CAMTA1: variants seen among roughly 807,000 people sequenced by gnomAD.
The protein encoded by CAMTA1 is calmodulin-binding transcription activator 1.
CAMTA1 carries 27 observed loss-of-function variants against 170.9 expected under a neutral mutation model. The ratio of observed to expected loss-of-function variants is 0.16; its 90% CI spans 0.12 to 0.22. CAMTA1 has a LOEUF of 0.22. CAMTA1 is among the 10% of genes least tolerant of loss of function. The probability of loss-of-function intolerance (pLI) is 1.00; values close to 1 mark genes in which losing one functional copy is unlikely to be tolerated. For missense variants in CAMTA1, 1,619 were observed against 2,217.2 expected (o/e 0.73, Z 5.42); for synonymous variants, 833 against 891.5 (o/e 0.93, Z 1.17).
intron 6 of CAMTA1, among the ~76,000 whole-genome samples, chr1:7,631,750 CT>C (rs1355374738): frequency 1.3e-5 from 2 of 152,172 alleles, no homozygotes; most frequent in Non-Finnish European, 2.9e-5. Context: ...CCTTCTTGTG[CT>C]TCCGTCCATC....
Position 7,493,292 on chromosome 1 carries a change from CACAA to C in CAMTA1, c.510+25395_510+25398del, listed in dbSNP as rs1289272814. Among the ~76,000 whole-genome samples, 9 of 141,816 alleles carry C rather than the reference CACAA, an allele frequency of 6.3e-5. No homozygotes were observed. The East Asian group carries it at 1.1e-3, about 17-fold the overall frequency. The allele number at this position is 141,816 out of a possible 152,430, so 93.0% of individuals were successfully genotyped here. A position where few individuals can be genotyped will look rare whatever the true frequency, so the allele number is the denominator to read the frequency against. On this transcript the variant is annotated intron_variant, in intron 6 of 22. Transcript: ENST00000303635. ...GCACACAAACATACACGCGCACAAACACAAACATACAAATGCGCACACAAACAAA... is the reference window on the plus strand; with the variant it reads ...GCACACAAACATACACGCGCACAAACACATACAAATGCGCACACAAACAAA...
intron 11 of CAMTA1, among the ~76,000 whole-genome samples, chr1:7,706,063 A>C (rs2096521781): frequency 6.6e-6 from 1 of 152,194 alleles, no homozygotes; most frequent in African/African-American, 2.4e-5. Flanking sequence ...TTTCTCTACA[A>C]ATCAGGTATC....
At chr1:7,030,233 G>A (rs1702599798) in intron 3 of CAMTA1, among the ~76,000 whole-genome samples, 1 of 152,142 alleles carries the variant, frequency 6.6e-6, no homozygotes, top group African/African-American at 2.4e-5. Flanking sequence ...TTTGTATACA[G>A]TTACATTAAA....
chr1:7,589,069 A>G (rs2150463712), intron 6 of CAMTA1, among the ~76,000 whole-genome samples: 1 of 152,324 alleles, frequency 6.6e-6, no homozygotes, highest in East Asian at 1.9e-4. Flanking sequence ...CCTCCGTGAG[A>G]AGAGGGCTTA....
intron 3 of CAMTA1, among the ~76,000 whole-genome samples, chr1:6,991,075 T>G (rs1275221857): frequency 6.6e-6 from 1 of 152,144 alleles, no homozygotes; most frequent in East Asian, 1.9e-4. Flanking sequence ...TCAGTAGTTT[T>G]TTTTTCCTTT....
At chr1:7,551,705 T>C (rs2094805313) in intron 6 of CAMTA1, among the ~76,000 whole-genome samples, 2 of 152,184 alleles carry the variant, frequency 1.3e-5, no homozygotes, top group Admixed American at 6.5e-5. Context: ...CCTCAGAGCC[T>C]GTCCCTGGTG....
rs145964068 is a variant in CAMTA1 at position 7,738,192 on chromosome 1, C to T, written c.3892C>T (p.Arg1298Trp). 75 of 1,613,872 alleles carry T rather than the reference C, an allele frequency of 4.6e-5. No homozygotes were observed. The highest frequency in any genetic ancestry group is 1.6e-4 in the Middle Eastern group (1 of 6,084). The change falls in exon 16 of 23, where the codon CGG (arginine) becomes TGG (tryptophan). Residue 1298 changes from arginine (R) to tryptophan (W), a missense_variant. By Grantham distance (101) the Arg-to-Trp change is moderately radical (BLOSUM62 -3). This residue lies in a region of CAMTA1 where 370 missense variants were observed against 429.4 expected (regional missense o/e 0.86). Coordinates refer to ENST00000303635, the MANE Select transcript of CAMTA1 (RefSeq NM_015215.4). The surrounding 1 kb of genome is among the most constrained non-coding windows in gnomAD (Gnocchi z 4.9). Reference sequence around the variant, plus strand: ...CAGTGAAGGAGTGAGGGACTTCAGCCGGGAACTCTCCCCTCCCACTCCAGA... The same window carrying T: ...CAGTGAAGGAGTGAGGGACTTCAGCTGGGAACTCTCCCCTCCCACTCCAGA... ...SPSEGVRDFS[R>W]ELSPPTPETA... is the part of the protein sequence containing the mutation.
intron 3 of CAMTA1, among the ~76,000 whole-genome samples, chr1:6,968,932 G>C (rs1224778935): frequency 6.6e-6 from 1 of 152,140 alleles, no homozygotes; most frequent in Admixed American, 6.5e-5. Context: ...TGCTGAGGTG[G>C]GCTGCAGAGG....
At chr1:7,353,520 G>A (rs1469813172) in intron 5 of CAMTA1, among the ~76,000 whole-genome samples, 9 of 149,434 alleles carry the variant, frequency 6.0e-5, no homozygotes, top group Non-Finnish European at 8.9e-5. Context: ...CCGCCTCCCA[G>A]GATCAAGCAA....
intron 3 of CAMTA1, among the ~76,000 whole-genome samples, chr1:7,040,741 A>T (rs368710036): frequency 5.0e-5 from 7 of 140,234 alleles, no homozygotes; most frequent in Admixed American, 7.0e-5. Context: ...TTTTTTTTTT[A>T]AAGACAGAGT....
chr1:7,201,658 T>A lies in CAMTA1; in HGVS notation c.303-47833T>A, dbSNP rs550832938. Among the ~76,000 whole-genome samples, 16 of 152,310 alleles carry A rather than the reference T, an allele frequency of 1.1e-4. No homozygotes were observed. In the East Asian group the frequency reaches 2.9e-3, roughly 28 times the overall value. On this transcript the variant is annotated intron_variant, in intron 4 of 22. Transcript: ENST00000303635. The stretch of plus-strand genomic sequence containing the variant: ...ATAATATCAAGTGTCTTTGTGTGTA[T>A]ATTTGTATATTTTCCATTTGTATTT...
chr1:6,890,560 A>G (rs1243040992), intron 3 of CAMTA1, among the ~76,000 whole-genome samples: 2 of 147,566 alleles, frequency 1.4e-5, no homozygotes, highest in Non-Finnish European at 3.0e-5. Flanking sequence ...AGGCTCTTGG[A>G]CAGTTTTCTT....
rs1661365405 is a variant in CAMTA1 at position 7,224,581 on chromosome 1, T to C, written c.303-24910T>C. 6.6e-6 allele frequency among the ~76,000 whole-genome samples: 1 copy of C among 152,162 alleles called. No individual in the cohort carries two copies. Among genetic ancestry groups the C allele is most frequent in the South Asian group, 2.1e-4 (1 of 4,818 alleles). The stretch of plus-strand genomic sequence containing the variant: ...TTTTATTTTTAAATGTCATCATCGT[T>C]TTGTACAGGAGCACAAAACTCATGA... On this transcript the variant is annotated intron_variant, in intron 4 of 22. Transcript: ENST00000303635. This position sits in a 1 kb window ranked among gnomAD's most constrained non-coding sequence, Gnocchi z 5.2.
At chr1:7,223,484 G>A (rs1266890785) in intron 4 of CAMTA1, among the ~76,000 whole-genome samples, 1 of 152,048 alleles carries the variant, frequency 6.6e-6, no homozygotes, top group African/African-American at 2.4e-5. Flanking sequence ...TGAGGGGTCA[G>A]GAAAGCTTCA....
Position 7,249,669 on chromosome 1 carries a change from G to T in CAMTA1, c.438+43G>T, listed in dbSNP as rs1022319411. ...TTCCCTTGGTGCACAAATGTCATTT[G>T]CAGGCTGCAGTGGAGAATGGAATTG... On this transcript the variant is annotated intron_variant, in intron 5 of 22. Transcript: ENST00000303635. This position sits in a 1 kb window ranked among gnomAD's most constrained non-coding sequence, Gnocchi z 4.4. 6.2e-7 allele frequency: 1 copy of T among 1,606,068 alleles called. No homozygotes were observed. The highest frequency in any genetic ancestry group is 1.7e-5 in the Admixed American group (1 of 59,296).
At chr1:7,155,747 G>A (rs752204657) in intron 4 of CAMTA1, among the ~76,000 whole-genome samples, 1 of 152,128 alleles carries the variant, frequency 6.6e-6, no homozygotes, top group Non-Finnish European at 1.5e-5. Context: ...GAGGTCTTGA[G>A]CAAGGCCGCC....
At position 7,767,174 on chromosome 1, in the gene CAMTA1, G is replaced by A. The variant is rs540465373; in HGVS notation, c.*683G>A. 6.5e-6 allele frequency: 1 copy of A among 152,894 alleles called. No homozygotes were observed. The highest frequency in any genetic ancestry group is 2.1e-4 in the South Asian group (1 of 4,828). 9.5% of individuals were successfully genotyped at this position (152,894 alleles called of 1,614,324 possible). A position where few individuals can be genotyped will look rare whatever the true frequency, so the allele number is the denominator to read the frequency against. ...GGCAGGTGTGTGGTAAACGGGTAAT[G>A]CATGGGAAATAATGAGAAGCAGCTC... On this transcript the variant is annotated 3_prime_UTR_variant, in exon 23 of 23. Coordinates refer to ENST00000303635, the MANE Select transcript of CAMTA1 (RefSeq NM_015215.4).
chr1:7,438,651 C>T (rs1422924267), intron 5 of CAMTA1, among the ~76,000 whole-genome samples: 4 of 152,136 alleles, frequency 2.6e-5, no homozygotes, highest in Non-Finnish European at 5.9e-5. Flanking sequence ...CAGCTGTGGC[C>T]CCAACATCTG....
intron 5 of CAMTA1, among the ~76,000 whole-genome samples, chr1:7,447,991 A>G (rs1483970134): frequency 6.6e-6 from 1 of 152,244 alleles, no homozygotes; most frequent in Non-Finnish European, 1.5e-5. Flanking sequence ...CAGGCTGTCC[A>G]TGCACACCAC....
Sources: allele counts gnomAD v4.1 joint callset (sites outside exome capture counted in the v4.1 genomes callset), GRCh38; gene constraint gnomAD v4.1.1; regional missense constraint gnomAD v4.1.1; non-coding constraint Gnocchi (gnomAD v3.1); transcripts MANE v1.5; gene names NCBI Gene and HGNC (gene_info 2026-07-23, HGNC 2026-07-21).